NLRC5: variants seen among roughly 807,000 people sequenced by gnomAD.
NLRC5 encodes the protein protein NLRC5.
NLRC5 carries 114 observed loss-of-function variants against 206.9 expected under a neutral mutation model. The observed-to-expected ratio is 0.55, with a 90% CI of 0.47 to 0.64. NLRC5 has a LOEUF of 0.64. Ranked by LOEUF, NLRC5 falls within the 30% of genes least tolerant of loss-of-function variation. NLRC5 has a pLI of 0.00. For synonymous variants in NLRC5, 952 were observed against 962.8 expected (o/e 0.99, Z 0.21); for missense variants, 2,008 against 2,305.5 (o/e 0.87, Z 2.64).
At chr16:57,027,145 C>A in intron 6 of NLRC5, 127 bp downstream of exon 6, 1 of 1,136,768 alleles carries the variant, frequency 8.8e-7, no homozygotes, top group African/African-American at 1.6e-5. Context: ...TAATGGCCTG[C>A]AATGCAAGAG....
intron 23 of NLRC5, 153 bp downstream of exon 23, chr16:57,047,781 T>C: frequency 3.0e-6 from 2 of 670,792 alleles, no homozygotes; most frequent in Non-Finnish European, 5.3e-6. Flanking sequence ...TGGTAGAAAC[T>C]TGGCTGTCTC....
At chr16:57,027,980 T>C (rs1403712510) in intron 6 of NLRC5, 92 bp from the exon 7 acceptor site, 2 of 747,370 alleles carry the variant, frequency 2.7e-6, no homozygotes, top group African/African-American at 1.7e-5. Flanking sequence ...TTAGTACTAC[T>C]GTATTAAGCC....
At chr16:57,044,878 C>T (rs1321317858) in intron 20 of NLRC5, among the ~76,000 whole-genome samples, 1 of 151,888 alleles carries the variant, frequency 6.6e-6, no homozygotes, top group Admixed American at 6.6e-5. Flanking sequence ...CCATTGCACT[C>T]CAGCCTGGGC....
chr16:57,041,217 T>A, intron 17 of NLRC5: 1 of 482,906 alleles, frequency 2.1e-6, no homozygotes, highest in Non-Finnish European at 3.7e-6. Context: ...TTATCTGTCT[T>A]CCTCTGATCT....
chr16:57,055,541 A>G, intron 27 of NLRC5, 22 bp downstream of exon 27: 1 of 1,601,514 alleles, frequency 6.2e-7, no homozygotes, highest in Non-Finnish European at 8.6e-7. Flanking sequence ...GAGGAGGAGG[A>G]AGGAGAGGAG....
chr16:57,025,342 T>C lies in NLRC5; in HGVS notation c.425-26T>C, dbSNP rs762209630. 6 of 1,515,732 alleles carry C rather than the reference T, an allele frequency of 4.0e-6. No homozygotes were observed. In the East Asian group the frequency reaches 1.4e-4, roughly 35 times the overall value. The allele number at this position is 1,515,732 out of a possible 1,614,324, so 93.9% of individuals were successfully genotyped here. A position where few individuals can be genotyped will look rare whatever the true frequency, so the allele number is the denominator to read the frequency against. On this transcript the variant is annotated intron_variant, in intron 5 of 48. Transcript: ENST00000688547. ...AGCAGAGGGCCGGGGGGTCCTCTCC[T>C]CATGCCATGTCCCTGCCCCTTGCAG...
At position 57,025,162 on chromosome 16, in the gene NLRC5, G is replaced by A. The variant is rs557170004; in HGVS notation, c.425-206G>A. ...CACCTGCCTGTTTAAATAGCTACCG[G>A]AGAGCCTATGCTCCCTTAGAACTGA... On this transcript the variant is annotated intron_variant, in intron 5 of 48. Transcript: ENST00000688547. 2.6e-5 allele frequency among the ~76,000 whole-genome samples: 4 copies of A among 152,248 alleles called. No homozygotes were observed. The East Asian group carries it at 7.7e-4, about 29-fold the overall frequency.
chr16:57,076,774 C>A, intron 39 of NLRC5, 45 bp from the exon 40 acceptor site: 1 of 1,582,058 alleles, frequency 6.3e-7, no homozygotes, highest in South Asian at 1.1e-5. Flanking sequence ...CTGCAAAGGC[C>A]TTTAAGCTCC....
intron 39 of NLRC5, 41 bp from the exon 40 acceptor site, chr16:57,076,778 A>C (rs2068454853): frequency 3.2e-6 from 5 of 1,586,804 alleles, no homozygotes; most frequent in Non-Finnish European, 4.3e-6. Flanking sequence ...AAAGGCCTTT[A>C]AGCTCCTGAA....
intron 48 of NLRC5, 63 bp downstream of exon 48, chr16:57,081,673 T>C (rs1450107456): frequency 4.3e-6 from 6 of 1,410,916 alleles, no homozygotes; most frequent in Non-Finnish European, 6.0e-6. Context: ...CCAGATCTAA[T>C]GGGACTCCCT....
rs2068821757 is a variant in NLRC5, at chr16:57,079,235, A to G, written c.5180A>G (p.Asn1727Ser). The change falls in exon 45 of 49, where the codon AAC (asparagine) becomes AGC (serine). Residue 1727 changes from asparagine to serine, a missense_variant. Transcript: ENST00000688547. ...CTACCCTGCAGCTTGGCGGAAAACAACCTGGCTGGAGGGGTCCTGCGTTTC... is the reference window on the plus strand; with the variant it reads ...CTACCCTGCAGCTTGGCGGAAAACAGCCTGGCTGGAGGGGTCCTGCGTTTC... ...HLEEISLAEN[N>S]LAGGVLRFCM... 6.2e-7 allele frequency: 1 copy of G among 1,613,670 alleles called. No homozygotes were observed. The highest frequency in any genetic ancestry group is 2.2e-5 in the East Asian group (1 of 44,872).
At chr16:57,062,202 T>G (rs1344187814) in intron 32 of NLRC5, 6 of 482,682 alleles carry the variant, frequency 1.2e-5, no homozygotes, top group Non-Finnish European at 2.3e-5. Context: ...AATCCATCAC[T>G]CCTAAATATT....
In NLRC5 at chr16:57,026,459, C is replaced by A; in HGVS notation, c.1516C>A (p.Gln506Lys). 6.2e-7 allele frequency: 1 copy of A among 1,614,150 alleles called. No individual in the cohort carries two copies. Among genetic ancestry groups the A allele is most frequent in the Non-Finnish European group, 8.5e-7 (1 of 1,180,016 alleles). Residue 506 changes from glutamine (Q) to lysine (K), a missense_variant, in exon 6 of 49, where the codon CAG (glutamine) becomes AAG (lysine). By Grantham distance (53) the Gln-to-Lys change is moderately conservative (BLOSUM62 1). Transcript: ENST00000688547. The stretch of plus-strand genomic sequence containing the variant: ...CTGCGTCTGCACAGGCCCTGGGCAC[C>A]AGCAGACAGGCTATGCTTTCACCCA... ...SFCVCTGPGH[Q>K]QTGYAFTHLS...
At chr16:57,077,875 C>A in intron 42 of NLRC5, 68 bp from the exon 43 acceptor site, 1 of 1,601,934 alleles carries the variant, frequency 6.2e-7, no homozygotes, top group Non-Finnish European at 8.5e-7. Flanking sequence ...CCGCAGTGGG[C>A]ACAGGGCAGG....
intron 1 of NLRC5, chr16:56,992,132 G>A (rs1363506956): frequency 1.3e-5 from 2 of 152,242 alleles, no homozygotes; most frequent in Non-Finnish European, 2.9e-5. Context: ...GGAACCAGGA[G>A]AGGCAAGGAC....
chr16:57,073,586 C>A (rs78915132), intron 38 of NLRC5, among the ~76,000 whole-genome samples: 5,448 of 152,156 alleles, frequency 0.036, 500 homozygotes, highest in East Asian at 0.33. Flanking sequence ...TTTGCTTCTG[C>A]CTCTTATTTT....
intron 30 of NLRC5, among the ~76,000 whole-genome samples, chr16:57,060,697 G>A (rs563976852): frequency 6.6e-6 from 1 of 152,068 alleles, no homozygotes; most frequent in African/African-American, 2.4e-5. Flanking sequence ...CCTAGATCAA[G>A]CCCTGCCTGA....
intron 30 of NLRC5, among the ~76,000 whole-genome samples, chr16:57,061,036 C>A (rs2066409622): frequency 6.6e-6 from 1 of 152,242 alleles, no homozygotes; most frequent in Admixed American, 6.5e-5. Flanking sequence ...GGTCTGCAGT[C>A]AGACTGACCT....
intron 1 of NLRC5, among the ~76,000 whole-genome samples, chr16:56,994,293 CA>C (rs2057331456): frequency 6.6e-6 from 1 of 152,126 alleles, no homozygotes; most frequent in Non-Finnish European, 1.5e-5. Flanking sequence ...GGAAGGATGG[CA>C]AAAGGGCATT....
Sources: allele counts gnomAD v4.1 joint callset (sites outside exome capture counted in the v4.1 genomes callset), GRCh38; gene constraint gnomAD v4.1.1; transcripts MANE v1.5; gene names NCBI Gene and HGNC (gene_info 2026-07-23, HGNC 2026-07-21).